The following CFAP299 variants were observed in gnomAD, a reference collection of about 807,000 sequenced individuals.
The protein encoded by CFAP299 is cilia and flagella associated protein 299, also known as cilia- and flagella-associated protein 299.
Under a neutral mutation model 27.0 loss-of-function variants are expected in CFAP299, and 21 were observed. That is an observed-to-expected ratio of 0.78 (90% CI 0.55 to 1.12). The LOEUF (loss-of-function observed/expected upper bound fraction) is 1.12. Among genes scored for constraint, CFAP299 ranks in the 50% most tolerant of loss-of-function variants. CFAP299 has a pLI of 0.00. For missense variants in CFAP299, 310 were observed against 276.6 expected, an observed-to-expected ratio of 1.12 and a Z score of -0.86; for synonymous variants, 104 against 98.1, an observed-to-expected ratio of 1.06 and a Z score of -0.36.
chr4:80,798,538 T>C (rs113475788), intron 3 of CFAP299, among the ~76,000 whole-genome samples: 11,774 of 152,184 alleles, frequency 0.077, 533 homozygotes, highest in African/African-American at 0.1. Flanking sequence ...AAGCTGTGCA[T>C]GCACCTTTCA....
intron 2 of CFAP299, among the ~76,000 whole-genome samples, chr4:80,544,136 A>G (rs1734125573): frequency 2.6e-5 from 4 of 152,212 alleles, no homozygotes; most frequent in Non-Finnish European, 5.9e-5. Context: ...AATAAAATCC[A>G]TTTCAGACAA....
intron 4 of CFAP299, among the ~76,000 whole-genome samples, chr4:80,933,317 C>G (rs779547793): frequency 6.6e-6 from 1 of 152,058 alleles, no homozygotes; most frequent in Non-Finnish European, 1.5e-5. Context: ...TCCCAGCACC[C>G]CCTAGCAACC....
chr4:80,379,328 T>A (rs980354157), intron 2 of CFAP299, among the ~76,000 whole-genome samples: 1 of 152,050 alleles, frequency 6.6e-6, no homozygotes, highest in South Asian at 2.1e-4. Context: ...TCAGTTTTAA[T>A]GATCTTTTTG....
At position 80,924,144 on chromosome 4, in the gene CFAP299, AAGG is replaced by A. The variant is rs755874658; in HGVS notation, c.477-20663_477-20661del. Among the ~76,000 whole-genome samples the A allele has an allele frequency of 7.2e-5, 11 of 152,066 alleles. No individual in the cohort carries two copies. In the East Asian group the frequency reaches 1.2e-3, roughly 16 times the overall value. Reference sequence around the variant, plus strand: ...GAAATGTTCCATGAAACATTTTTTAAAGGAGAAGAAAGGGGTGGGTGACCTGAA... The same window carrying A: ...GAAATGTTCCATGAAACATTTTTTAAAGAAGAAAGGGGTGGGTGACCTGAA... On this transcript the variant is annotated intron_variant, in intron 4 of 5. Transcript: ENST00000358105.
At chr4:80,654,891 T>C (rs1431342229) in intron 3 of CFAP299, among the ~76,000 whole-genome samples, 4 of 151,614 alleles carry the variant, frequency 2.6e-5, no homozygotes, top group African/African-American at 9.7e-5. Flanking sequence ...GCTGGAATTA[T>C]AGGTAGTAAC....
At chr4:80,334,945 A>T (rs1722065181), upstream of CFAP299, among the ~76,000 whole-genome samples, 2 of 152,384 alleles carry the variant, frequency 1.3e-5, no homozygotes, top group East Asian at 3.9e-4. Context: ...CTAATTCCCA[A>T]GGATGGTTTG....
At chr4:80,804,030 G>A (rs942318696) in intron 3 of CFAP299, among the ~76,000 whole-genome samples, 22 of 152,048 alleles carry the variant, frequency 1.4e-4, no homozygotes, top group African/African-American at 5.3e-4. Context: ...TTTGTGTAAA[G>A]CCTCTTTTAT....
In CFAP299 at chr4:80,442,312, C is replaced by A. The variant is rs551673173; in HGVS notation, c.242+79428C>A. Among the ~76,000 whole-genome samples, 5 of 152,254 alleles carry A rather than the reference C, an allele frequency of 3.3e-5. No individual in the cohort carries two copies. In the South Asian group the frequency reaches 1.0e-3, roughly 32 times the overall value. ...ATTGACCACATAATTAGAAGTAAAA[C>A]ACTCCTCAGCAAATGCAAAAGAATG... On this transcript the variant is annotated intron_variant, in intron 2 of 5. Coordinates refer to ENST00000358105, the MANE Select transcript of CFAP299 (RefSeq NM_152770.3).
At chr4:80,715,558 G>T (rs975668634) in intron 3 of CFAP299, among the ~76,000 whole-genome samples, 1 of 151,796 alleles carries the variant, frequency 6.6e-6, no homozygotes, top group Non-Finnish European at 1.5e-5. Flanking sequence ...ACCAAAATGG[G>T]TCTACACTTT....
At chr4:80,806,621 A>G (rs1038537126) in intron 3 of CFAP299, among the ~76,000 whole-genome samples, 5 of 152,226 alleles carry the variant, frequency 3.3e-5, no homozygotes, top group African/African-American at 1.2e-4. Context: ...GGAAAAGACA[A>G]TTCATTCCTA....
chr4:80,481,505 C>A (rs928219108), intron 2 of CFAP299, among the ~76,000 whole-genome samples: 1 of 151,898 alleles, frequency 6.6e-6, no homozygotes, highest in Non-Finnish European at 1.5e-5. Flanking sequence ...CTTTTTAAAT[C>A]ACATATGAAC....
intron 3 of CFAP299, among the ~76,000 whole-genome samples, chr4:80,783,679 C>A (rs949083143): frequency 2.0e-5 from 3 of 152,088 alleles, no homozygotes; most frequent in Non-Finnish European, 4.4e-5. Flanking sequence ...TATATTATGG[C>A]ATTTTGAACA....
chr4:80,325,334 C>T, the CFAP299 span, among the ~76,000 whole-genome samples: 5 of 152,306 alleles, frequency 3.3e-5, no homozygotes, highest in African/African-American at 1.2e-4. Flanking sequence ...GTGTCAAACA[C>T]ATCATTTTGG....
intron 2 of CFAP299, among the ~76,000 whole-genome samples, chr4:80,374,873 T>C (rs1050188413): frequency 2.6e-5 from 4 of 152,044 alleles, no homozygotes; most frequent in Non-Finnish European, 5.9e-5. Flanking sequence ...ATATGAATCT[T>C]TTATATGTTT....
intron 3 of CFAP299, among the ~76,000 whole-genome samples, chr4:80,621,057 C>T (rs1560660802): frequency 6.6e-6 from 1 of 152,018 alleles, no homozygotes. Flanking sequence ...AGCACTGACA[C>T]CCTATCATTA....
At chr4:80,657,740 T>C (rs1038983697) in intron 3 of CFAP299, among the ~76,000 whole-genome samples, 1 of 152,024 alleles carries the variant, frequency 6.6e-6, no homozygotes, top group Non-Finnish European at 1.5e-5. Context: ...ATAAAATTTA[T>C]AGTAGTTTTT....
intron 2 of CFAP299, among the ~76,000 whole-genome samples, chr4:80,438,863 A>T (rs1728215864): frequency 6.6e-6 from 1 of 152,316 alleles, no homozygotes; most frequent in Non-Finnish European, 1.5e-5. Context: ...TAAATATTTT[A>T]TGCTCCTCAG....
intron 3 of CFAP299, among the ~76,000 whole-genome samples, chr4:80,708,729 A>G (rs145834069): frequency 2.0e-4 from 30 of 152,220 alleles, no homozygotes; most frequent in Non-Finnish European, 4.0e-4. Context: ...GCTTATGACC[A>G]CTCACACACA....
intron 3 of CFAP299, among the ~76,000 whole-genome samples, chr4:80,741,113 G>C (rs552687767): frequency 6.6e-6 from 1 of 152,254 alleles, no homozygotes; most frequent in South Asian, 2.1e-4. Flanking sequence ...AACAGAAGGA[G>C]TCTCTCACTG....
Sources: gnomAD v4.1 joint callset for allele counts (sites outside exome capture counted in the v4.1 genomes callset) on GRCh38, gnomAD v4.1.1 for gene constraint, MANE v1.5 for transcripts, NCBI Gene and HGNC (gene_info 2026-07-23, HGNC 2026-07-21) for gene names.